The following APBA1 variants were observed in gnomAD, a reference collection of about 807,000 sequenced individuals.
APBA1 encodes amyloid-beta A4 precursor protein-binding family A member 1.
A neutral mutation model predicts 86.6 loss-of-function variants in APBA1; 55 were observed. The observed-to-expected ratio is 0.64, with a 90% CI of 0.51 to 0.80. The LOEUF is 0.80. APBA1 is among the 30% of genes least tolerant of loss of function. The pLI is 0.00. For missense variants in APBA1, 1,090 were observed against 1,183.0 expected, an observed-to-expected ratio of 0.92 and a Z score of 1.15; for synonymous variants, 511 against 493.9, an observed-to-expected ratio of 1.03 and a Z score of -0.46.
intron 1 of APBA1, among the ~76,000 whole-genome samples, chr9:69,571,523 C>G (rs974670910): frequency 5.3e-5 from 8 of 152,210 alleles, no homozygotes; most frequent in African/African-American, 1.9e-4. Flanking sequence ...CACACACACA[C>G]ACATACATAC....
intron 1 of APBA1, among the ~76,000 whole-genome samples, chr9:69,611,285 G>GAAGAAAAAAAA (rs1822581300): frequency 8.9e-6 from 1 of 111,912 alleles, no homozygotes; most frequent in African/African-American, 3.4e-5. Flanking sequence ...ACCAGAAAAG[G>GAAGAAAAAAAA]AAAAAAAAAA....
rs970995337 is a variant in APBA1, at chr9:69,488,327, GA to G, written c.1201-12185del. Among the ~76,000 whole-genome samples, 6 of 149,186 alleles carry G rather than the reference GA, an allele frequency of 4.0e-5. No individual in the cohort carries two copies. The South Asian group carries it at 6.4e-4, about 16-fold the overall frequency. On this transcript the variant is annotated intron_variant, in intron 2 of 12. Transcript: ENST00000265381. ...TTTGTGTGATTCACTGACTTTTTTT[GA>G]AAAAAAAATATAACTAAGATCAATA...
intron 1 of APBA1, among the ~76,000 whole-genome samples, chr9:69,531,751 T>C (rs564027688): frequency 2.8e-4 from 42 of 152,282 alleles, no homozygotes; most frequent in Admixed American, 2.7e-3. Flanking sequence ...AGAACTCTTT[T>C]CTCTCACTTG....
chr9:69,519,305 A>G (rs1246964321), intron 1 of APBA1, among the ~76,000 whole-genome samples: 1 of 152,264 alleles, frequency 6.6e-6, no homozygotes, highest in Admixed American at 6.5e-5. Flanking sequence ...TGTGCAGTTC[A>G]CAATAGAGTT....
chr9:69,523,105 AT>A (rs1319966565), intron 1 of APBA1, among the ~76,000 whole-genome samples: 3 of 152,170 alleles, frequency 2.0e-5, no homozygotes, highest in African/African-American at 7.2e-5. Context: ...TCAGTGCACC[AT>A]TTAGAAATAG....
chr9:69,620,812 G>T (rs1483443439), intron 1 of APBA1, among the ~76,000 whole-genome samples: 1 of 152,218 alleles, frequency 6.6e-6, no homozygotes, highest in East Asian at 1.9e-4. Context: ...TCTGCATGGA[G>T]ATGCCATGGA....
intron 1 of APBA1, among the ~76,000 whole-genome samples, chr9:69,615,953 T>C (rs1002362787): frequency 1.3e-5 from 2 of 152,218 alleles, no homozygotes; most frequent in Admixed American, 1.3e-4. Context: ...AATTGATAAC[T>C]TTATGCTGTG....
intron 7 of APBA1, 97 bp from the exon 8 acceptor site, chr9:69,456,529 G>T: frequency 7.7e-7 from 1 of 1,303,334 alleles, no homozygotes; most frequent in Non-Finnish European, 1.1e-6. Flanking sequence ...TGGTTCGCAT[G>T]CAGGGTGGGC....
intron 10 of APBA1, among the ~76,000 whole-genome samples, chr9:69,445,736 C>T (rs1170469626): frequency 1.3e-5 from 2 of 152,172 alleles, no homozygotes; most frequent in Non-Finnish European, 2.9e-5. Flanking sequence ...AAGAGTAAGG[C>T]AAGTCAATAC....
intron 8 of APBA1, among the ~76,000 whole-genome samples, chr9:69,452,724 A>G (rs1835032108): frequency 6.6e-6 from 1 of 152,244 alleles, no homozygotes; most frequent in Non-Finnish European, 1.5e-5. Flanking sequence ...AAGACTTTGT[A>G]TGGCTCTAAT....
At chr9:69,458,282 A>T in intron 5 of APBA1, 94 bp from the exon 6 acceptor site, 1 of 1,146,094 alleles carries the variant, frequency 8.7e-7, no homozygotes, top group Non-Finnish European at 1.2e-6. Context: ...CTAATACTGA[A>T]TAGTGGCATA....
At chr9:69,520,136 T>C (rs531477432) in intron 1 of APBA1, among the ~76,000 whole-genome samples, 6 of 152,276 alleles carry the variant, frequency 3.9e-5, no homozygotes, top group African/African-American at 1.4e-4. Flanking sequence ...ATAACAGACA[T>C]TGACTTTGGG....
rs955469535 is a variant in APBA1, at chr9:69,456,329, T to C, written c.1706A>G (p.Gln569Arg). ...TGGGTGGGACGCTTCCACGTTCTCC[T>C]GGGAGTTGGAGCGAGGCATCCGCCG... ...ARRRMPRSNS[Q>R]ENVEASHPSQ... Residue 569 changes from glutamine (Q) to arginine (R), a missense_variant, in exon 8 of 13, where the codon CAG becomes CGG. Coordinates refer to ENST00000265381, the MANE Select transcript of APBA1 (RefSeq NM_001163.4). 3 of 1,614,064 alleles carry C rather than the reference T, an allele frequency of 1.9e-6. No homozygotes were observed. The highest frequency in any genetic ancestry group is 2.5e-6 in the Non-Finnish European group (3 of 1,180,024).
At chr9:69,465,973 G>A (rs954988079) in intron 5 of APBA1, among the ~76,000 whole-genome samples, 1 of 152,190 alleles carries the variant, frequency 6.6e-6, no homozygotes, top group African/African-American at 2.4e-5. Context: ...CTGACACTAG[G>A]TCTGGCCTAG....
chr9:69,489,586 G>A (rs890790022), intron 2 of APBA1, among the ~76,000 whole-genome samples: 1 of 151,948 alleles, frequency 6.6e-6, no homozygotes, highest in African/African-American at 2.4e-5. Flanking sequence ...CTGACAAAGG[G>A]CTAATATTCA....
intron 1 of APBA1, among the ~76,000 whole-genome samples, chr9:69,623,324 C>CT (rs1822863439): frequency 6.6e-6 from 1 of 151,986 alleles, no homozygotes; most frequent in South Asian, 2.1e-4. Context: ...CAAATGGTGC[C>CT]TCCTCCACTT....
intron 2 of APBA1, among the ~76,000 whole-genome samples, chr9:69,504,497 A>C (rs1835923785): frequency 6.6e-6 from 1 of 152,100 alleles, no homozygotes; most frequent in Admixed American, 6.5e-5. Context: ...GTAAATCCCC[A>C]AAAAGCCTAT....
chr9:69,530,329 T>TATAC (rs1359834235), intron 1 of APBA1, among the ~76,000 whole-genome samples: 278 of 127,562 alleles, frequency 2.2e-3, no homozygotes, highest in African/African-American at 7.7e-3. Flanking sequence ...TATATATATA[T>TATAC]ACACACACAC....
intron 2 of APBA1, among the ~76,000 whole-genome samples, chr9:69,487,886 A>G (rs1416867099): frequency 1.3e-5 from 2 of 152,124 alleles, no homozygotes; most frequent in African/African-American, 4.8e-5. Flanking sequence ...TCTGGTCCAC[A>G]TCTTTGTCAA....
Sources: gnomAD v4.1 joint callset for allele counts (sites outside exome capture counted in the v4.1 genomes callset) on GRCh38, gnomAD v4.1.1 for gene constraint, MANE v1.5 for transcripts, NCBI Gene and HGNC (gene_info 2026-07-23, HGNC 2026-07-21) for gene names.